ZFR: variants seen among roughly 807,000 people sequenced by gnomAD.
The protein encoded by ZFR is zinc finger RNA-binding protein.
ZFR carries 19 observed loss-of-function variants against 130.7 expected under a neutral mutation model. The observed-to-expected ratio is 0.15, with a 90% CI of 0.10 to 0.21. The LOEUF is 0.21. Ranked by LOEUF, ZFR falls within the 10% of genes least tolerant of loss-of-function variation. The pLI is 1.00. For missense variants in ZFR, 872 were observed against 1,321.5 expected (o/e 0.66, Z 5.27); for synonymous variants, 466 against 456.9 (o/e 1.02, Z -0.25).
chr5:32,441,693 T>A (rs1249111040), intron 2 of ZFR, among the ~76,000 whole-genome samples: 3 of 152,214 alleles, frequency 2.0e-5, no homozygotes, highest in African/African-American at 7.2e-5. Context: ...CCACCACACT[T>A]TTTGCATGTG....
At chr5:32,422,194 A>T (rs778705838) in intron 2 of ZFR, among the ~76,000 whole-genome samples, 5 of 152,046 alleles carry the variant, frequency 3.3e-5, no homozygotes, top group Admixed American at 2.6e-4. Context: ...GTCAACCAGG[A>T]AGCCAATTTA....
chr5:32,439,300 G>T (rs970816037), intron 2 of ZFR, among the ~76,000 whole-genome samples: 16 of 152,038 alleles, frequency 1.1e-4, no homozygotes, highest in Admixed American at 2.0e-4. Context: ...TGTTCACCTG[G>T]TTTTTTTACT....
chr5:32,365,738 C>G (rs374902377), intron 17 of ZFR, among the ~76,000 whole-genome samples: 1 of 151,496 alleles, frequency 6.6e-6, no homozygotes, highest in East Asian at 2.0e-4. Flanking sequence ...TGCCGCTGTA[C>G]GACTGGGACA....
At chr5:32,356,062 G>A (rs1029012236) in intron 19 of ZFR, 123 bp from the exon 20 acceptor site, 8 of 691,858 alleles carry the variant, frequency 1.2e-5, no homozygotes, top group Middle Eastern at 2.6e-4. Context: ...ACATTTAAAG[G>A]AATTACTTTC....
intron 19 of ZFR, among the ~76,000 whole-genome samples, chr5:32,362,889 G>A (rs1561857314): frequency 1.3e-5 from 2 of 152,044 alleles, no homozygotes; most frequent in East Asian, 3.8e-4. Flanking sequence ...GTTTCCTTTT[G>A]AATTTCTTTT....
intron 9 of ZFR, among the ~76,000 whole-genome samples, chr5:32,398,583 T>A (rs1753371280): frequency 6.6e-6 from 1 of 152,240 alleles, no homozygotes; most frequent in Admixed American, 6.5e-5. Context: ...CTTTAAGAGA[T>A]GAAACTTAAA....
chr5:32,404,330 C>T (rs1392465811), intron 6 of ZFR, among the ~76,000 whole-genome samples: 2 of 152,018 alleles, frequency 1.3e-5, no homozygotes, highest in Non-Finnish European at 2.9e-5. Context: ...TCATATATAG[C>T]CATAATATAA....
intron 17 of ZFR, among the ~76,000 whole-genome samples, chr5:32,373,766 G>GT (rs564933265): frequency 1.5e-4 from 23 of 151,290 alleles, no homozygotes; most frequent in East Asian, 3.9e-4. Flanking sequence ...ACATTTTGGT[G>GT]TTTTTTTTTA....
At chr5:32,381,169 G>A (rs1189537802) in intron 15 of ZFR, among the ~76,000 whole-genome samples, 2 of 152,108 alleles carry the variant, frequency 1.3e-5, no homozygotes, top group East Asian at 3.9e-4. Flanking sequence ...TAGATGTGTA[G>A]GGTCTTTAAG....
At chr5:32,364,503 G>A (rs183347777) in intron 17 of ZFR, 63 of 231,802 alleles carry the variant, frequency 2.7e-4, no homozygotes, top group Non-Finnish European at 4.8e-4. Flanking sequence ...GAGGCAGATT[G>A]CCTGAGTTCA....
At chr5:32,409,687 T>G (rs1753656094) in intron 5 of ZFR, among the ~76,000 whole-genome samples, 1 of 152,236 alleles carries the variant, frequency 6.6e-6, no homozygotes, top group Non-Finnish European at 1.5e-5. Flanking sequence ...ATTACAGGCA[T>G]GAGCCACCGC....
At chr5:32,442,714 G>A (rs954676059) in intron 2 of ZFR, among the ~76,000 whole-genome samples, 2 of 151,838 alleles carry the variant, frequency 1.3e-5, no homozygotes, top group African/African-American at 4.9e-5. Context: ...TGTCTTAACT[G>A]GCAGCATTTT....
rs1231161599 is a variant in ZFR, at chr5:32,438,251, AAATTTTTTTTTT to A, written c.137+5966_137+5977del. Among the ~76,000 whole-genome samples the A allele has an allele frequency of 2.0e-4, 7 of 34,662 alleles. No homozygotes were observed. The South Asian group carries it at 3.3e-3, about 16-fold the overall frequency. The allele number at this position is 34,662 out of a possible 152,430, so 22.7% of individuals were successfully genotyped here. A position where few individuals can be genotyped will look rare whatever the true frequency, so the allele number is the denominator to read the frequency against. On this transcript the variant is annotated intron_variant, in intron 2 of 19. Transcript: ENST00000265069. ...CAAGAATGCTACTGATTTTATCTGA[AAATTTTTTTTTT>A]TTTTTTTTTTTTTTTTTGAGACGGA...
Position 32,355,900 on chromosome 5 carries a change from C to T in ZFR, c.3085G>A (p.Val1029Ile). ...RLLAFRQIHK[V>I]LGMDPLPQMS... Reference sequence around the variant, plus strand: ...TGCGGTAATGGATCCATGCCTAGAACTTTGTGTATCTGGCGGAATGCAAGG... The same window carrying T: ...TGCGGTAATGGATCCATGCCTAGAATTTTGTGTATCTGGCGGAATGCAAGG... Residue 1029 changes from valine to isoleucine, a missense_variant, in exon 20 of 20, where the codon GTT (valine) becomes ATT (isoleucine). Val to Ile is a conservative substitution (Grantham distance 29, BLOSUM62 3). This residue lies in a region of ZFR where 158 missense variants were observed against 264.0 expected (regional missense o/e 0.60). Coordinates refer to ENST00000265069, the MANE Select transcript of ZFR (RefSeq NM_016107.5). 1 of 1,601,804 alleles carries T rather than the reference C, an allele frequency of 6.2e-7. No individual in the cohort carries two copies. Among genetic ancestry groups the T allele is most frequent in the Non-Finnish European group, 8.5e-7 (1 of 1,176,268 alleles).
intron 1 of ZFR, 51 bp downstream of exon 1, chr5:32,444,571 G>A (rs778005191): frequency 2.8e-6 from 4 of 1,444,396 alleles, no homozygotes; most frequent in Non-Finnish European, 3.6e-6. Context: ...CCCGCTGCCC[G>A]GGGCCAGGGA....
At chr5:32,413,688 C>A (rs1753760693) in intron 5 of ZFR, among the ~76,000 whole-genome samples, 1 of 152,076 alleles carries the variant, frequency 6.6e-6, no homozygotes, top group East Asian at 1.9e-4. Context: ...AAAAATGTGA[C>A]TAATCAGATT....
chr5:32,407,026 CA>C lies in ZFR; in HGVS notation c.785-6del. On this transcript the variant is annotated splice_region_variant and splice_polypyrimidine_tract_variant and intron_variant, in intron 5 of 19. Transcript: ENST00000265069. ...CATAACCTGAATAAGACGTACCTTACAAATAAAAATCAAACAAAAATTATGT... is the reference window on the plus strand; with the variant it reads ...CATAACCTGAATAAGACGTACCTTACAATAAAAATCAAACAAAAATTATGT... 6.8e-7 allele frequency: 1 copy of C among 1,462,028 alleles called. No homozygotes were observed. The highest frequency in any genetic ancestry group is 9.0e-7 in the Non-Finnish European group (1 of 1,105,378). The allele number at this position is 1,462,028 out of a possible 1,614,324, so 90.6% of individuals were successfully genotyped here. A position where few individuals can be genotyped will look rare whatever the true frequency, so the allele number is the denominator to read the frequency against.
intron 2 of ZFR, among the ~76,000 whole-genome samples, chr5:32,430,021 G>A (rs961381760): frequency 3.5e-5 from 5 of 140,878 alleles, no homozygotes; most frequent in Admixed American, 7.7e-5. Context: ...CTGCACCACC[G>A]CAATCCTGGG....
chr5:32,358,139 C>T (rs908178517), intron 19 of ZFR, among the ~76,000 whole-genome samples: 12 of 152,202 alleles, frequency 7.9e-5, no homozygotes, highest in African/African-American at 2.4e-4. Flanking sequence ...GGAAGGATCG[C>T]TTAAGTCAGG....
Sources: allele counts gnomAD v4.1 joint callset (sites outside exome capture counted in the v4.1 genomes callset), GRCh38; gene constraint gnomAD v4.1.1; regional missense constraint gnomAD v4.1.1; transcripts MANE v1.5; gene names NCBI Gene and HGNC (gene_info 2026-07-23, HGNC 2026-07-21).